Variants in BRF1 observed in about 807,000 individuals in gnomAD.
BRF1 encodes transcription factor IIIB 90 kDa subunit.
In BRF1, 59 loss-of-function variants were observed where a neutral mutation model predicts 81.7. The observed-to-expected ratio is 0.72, with a 90% CI of 0.59 to 0.90. The LOEUF (loss-of-function observed/expected upper bound fraction) is 0.90, where lower values mean the gene tolerates loss of function less well. Among genes scored for constraint, BRF1 ranks in the 40% least tolerant of loss-of-function variants. The pLI, the probability that BRF1 is intolerant of heterozygous loss-of-function variation, is 0.00. For missense variants in BRF1, 1,050 were observed against 936.3 expected, an observed-to-expected ratio of 1.12 and a Z score of -1.58; for synonymous variants, 491 against 395.6, an observed-to-expected ratio of 1.24 and a Z score of -2.86.
upstream of BRF1, among the ~76,000 whole-genome samples, chr14:105,305,718 A>C (rs75264897): frequency 0.12 from 18,117 of 152,214 alleles, 3,647 homozygotes; most frequent in African/African-American, 0.41. Flanking sequence ...TAGGTGCCCC[A>C]TGCTGCAAGC....
chr14:105,300,336 C>T, intron 1 of BRF1, 110 bp downstream of exon 1: 1 of 1,235,992 alleles, frequency 8.1e-7, no homozygotes, highest in Non-Finnish European at 1.1e-6. Flanking sequence ...AACCGCGCGC[C>T]CCGACAGAGC....
At chr14:105,250,405 T>A in intron 5 of BRF1, 1 of 1,613,872 alleles carries the variant, frequency 6.2e-7, no homozygotes, top group Non-Finnish European at 8.5e-7. Context: ...TCGGGGTGGT[T>A]CTGGCTCAGA....
intron 3 of BRF1, among the ~76,000 whole-genome samples, chr14:105,262,832 A>G (rs2056220787): frequency 6.6e-6 from 1 of 152,086 alleles, no homozygotes; most frequent in Non-Finnish European, 1.5e-5. Context: ...CCTCCTTCCA[A>G]TTCTCGCCAA....
At chr14:105,228,259 T>A (rs1415650595) in intron 7 of BRF1, 1 of 152,406 alleles carries the variant, frequency 6.6e-6, no homozygotes, top group African/African-American at 2.4e-5. Context: ...ACCCTCCGCC[T>A]CAACTTAGAA....
intron 3 of BRF1, among the ~76,000 whole-genome samples, chr14:105,258,418 GGCGGAGCTTGCAGTGA>G (rs1462987513): frequency 6.6e-6 from 1 of 150,870 alleles, no homozygotes; most frequent in Non-Finnish European, 1.5e-5. Flanking sequence ...GAACCCAGAA[GGCGGAGCTTGCAGTGA>G]GCCGAGATGG....
At chr14:105,302,608 T>G (rs1357281258), upstream of BRF1, among the ~76,000 whole-genome samples, 1 of 152,106 alleles carries the variant, frequency 6.6e-6, no homozygotes, top group East Asian at 1.9e-4. Context: ...AAAATTGAGA[T>G]AGTGTCTCAT....
chr14:105,268,898 C>T (rs1042992185), intron 3 of BRF1, among the ~76,000 whole-genome samples: 8 of 152,154 alleles, frequency 5.3e-5, no homozygotes, highest in Non-Finnish European at 1.0e-4. Flanking sequence ...GAGAAGAGAG[C>T]CTGGCTGCAC....
chr14:105,243,892 A>C (rs1327592110), intron 5 of BRF1, among the ~76,000 whole-genome samples: 1 of 151,694 alleles, frequency 6.6e-6, no homozygotes, highest in Non-Finnish European at 1.5e-5. Flanking sequence ...CCAGGTACTA[A>C]GGAGGCTGAA....
chr14:105,226,139 A>G lies in BRF1; in HGVS notation c.978T>C (p.Asp326=). ...TGTTTTCTAGTTCAATCTCAATTGC[A>G]TCCTGGTAACTGGATATTTCACCTG... The part of the protein sequence containing the change: ...EVEGEISSYQ[D]AIEIELENSR... The change falls in exon 10 of 18, where the codon GAT becomes GAC. Residue 326 remains aspartate (D), a synonymous_variant. Coordinates refer to ENST00000547530, the MANE Select transcript of BRF1 (RefSeq NM_001519.4). The G allele has an allele frequency of 6.2e-7, 1 of 1,614,000 alleles. No homozygotes were observed.
Position 105,288,421 on chromosome 14 carries a change from C to G in BRF1, c.185-2045G>C, listed in dbSNP as rs587617484. 4.9e-4 allele frequency among the ~76,000 whole-genome samples: 74 copies of G among 151,568 alleles called. 1 individual carries two copies. The South Asian group carries it at 0.015, about 31-fold the overall frequency. ...GAGCAGAGATGGTGCCACTGCACTC[C>G]AGCCTGGGTGACAGAGCAAGACTCC... On this transcript the variant is annotated intron_variant, in intron 1 of 17. Transcript: ENST00000547530.
intron 5 of BRF1, among the ~76,000 whole-genome samples, chr14:105,251,905 A>G (rs2055637371): frequency 6.6e-6 from 1 of 151,994 alleles, no homozygotes; most frequent in Non-Finnish European, 1.5e-5. Context: ...GACTTACCCT[A>G]CACCTAACAC....
At chr14:105,211,334 C>T (rs1414802150) in intron 16 of BRF1, 41 bp from the exon 17 acceptor site, 4 of 1,523,158 alleles carry the variant, frequency 2.6e-6, no homozygotes, top group Admixed American at 1.9e-5. Context: ...GAGCTGGGAG[C>T]CCTGTGTATC....
chr14:105,215,168 G>C (rs1037749032), intron 15 of BRF1, among the ~76,000 whole-genome samples: 4 of 152,166 alleles, frequency 2.6e-5, no homozygotes, highest in Non-Finnish European at 5.9e-5. Context: ...TGTGCACACA[G>C]ACTCACAGAT....
At position 105,300,672 on chromosome 14, in the gene BRF1, T is replaced by A; in HGVS notation, c.-43A>T. The A allele has an allele frequency of 7.8e-7, 1 of 1,283,858 alleles. No individual in the cohort carries two copies. Among genetic ancestry groups the A allele is most frequent in the Admixed American group, 4.3e-5 (1 of 23,506 alleles). The allele number at this position is 1,283,858 out of a possible 1,614,324, so 79.5% of individuals were successfully genotyped here. The stretch of plus-strand genomic sequence containing the variant: ...CAGCGCCCGGAGCCTCCCAAGACTC[T>A]CAAGCCACCCGAGCCTCCGGAGCAG... On this transcript the variant is annotated 5_prime_UTR_variant, in exon 1 of 18. Transcript: ENST00000547530.
intron 6 of BRF1, among the ~76,000 whole-genome samples, chr14:105,229,359 T>A (rs972041066): frequency 6.6e-6 from 1 of 152,034 alleles, no homozygotes; most frequent in South Asian, 2.1e-4. Flanking sequence ...AACATGGAGA[T>A]CATGTGTGCA....
chr14:105,215,486 G>A (rs1048507468), intron 15 of BRF1, among the ~76,000 whole-genome samples: 9 of 149,188 alleles, frequency 6.0e-5, no homozygotes, highest in Admixed American at 3.3e-4. Context: ...ACACACACAC[G>A]TACTGAGTGC....
intron 1 of BRF1, among the ~76,000 whole-genome samples, chr14:105,288,607 G>A (rs79048296): frequency 0.25 from 38,224 of 151,224 alleles, 5,075 homozygotes; most frequent in South Asian, 0.29. Flanking sequence ...TGGGCAACAC[G>A]GGGAGACCCA....
intron 15 of BRF1, among the ~76,000 whole-genome samples, chr14:105,213,859 T>C (rs892425084): frequency 2.0e-5 from 3 of 152,202 alleles, no homozygotes; most frequent in Non-Finnish European, 4.4e-5. Flanking sequence ...GTCTGCGGGC[T>C]AGCTGGGGGC....
At chr14:105,273,407 C>T (rs1006949369) in intron 2 of BRF1, among the ~76,000 whole-genome samples, 3 of 152,340 alleles carry the variant, frequency 2.0e-5, no homozygotes, top group East Asian at 3.9e-4. Flanking sequence ...GCCAGCCACC[C>T]GGCCTGAGAA....
Sources: gnomAD v4.1 joint callset for allele counts (sites outside exome capture counted in the v4.1 genomes callset) on GRCh38, gnomAD v4.1.1 for gene constraint, MANE v1.5 for transcripts, NCBI Gene and HGNC (gene_info 2026-07-23, HGNC 2026-07-21) for gene names.